Variants in EIF5 observed in about 807,000 individuals in gnomAD.
The protein encoded by EIF5 is eukaryotic translation initiation factor 5.
A neutral mutation model predicts 48.3 loss-of-function variants in EIF5; 10 were observed. The ratio of observed to expected loss-of-function variants is 0.21; its 90% confidence interval spans 0.13 to 0.35. The LOEUF (loss-of-function observed/expected upper bound fraction) is 0.35, where lower values mean the gene tolerates loss of function less well. Ranked by LOEUF, EIF5 falls within the 10% of genes least tolerant of loss-of-function variation. The pLI is 1.00. For missense variants in EIF5, 397 were observed against 533.2 expected (o/e 0.74, Z 2.51); for synonymous variants, 237 against 173.1 (o/e 1.37, Z -2.90).
In EIF5 at chr14:103,342,140, TC is replaced by T. The variant is rs1284887109; in HGVS notation, c.*1089del. 3.9e-5 allele frequency: 6 copies of T among 152,608 alleles called. No individual in the cohort carries two copies. The highest frequency in any genetic ancestry group is 6.5e-5 in the Admixed American group (1 of 15,276). 9.5% of individuals were successfully genotyped at this position (152,608 alleles called of 1,614,324 possible). On this transcript the variant is annotated 3_prime_UTR_variant, in exon 12 of 12. Coordinates refer to ENST00000216554, the MANE Select transcript of EIF5 (RefSeq NM_001969.5). ...TTCAAACTTGATTTTCTTTCCTTTTTCTTTTTTTTTTCTTCCAGAATGTCTT... is the reference window on the plus strand; with the variant it reads ...TTCAAACTTGATTTTCTTTCCTTTTTTTTTTTTTTTCTTCCAGAATGTCTT...
chr14:103,337,454 T>C, intron 6 of EIF5: 1 of 506,838 alleles, frequency 2.0e-6, no homozygotes, highest in South Asian at 2.7e-5. Flanking sequence ...ACACAAAAAC[T>C]AGCTTAGCAT....
In EIF5 at chr14:103,342,140, T is replaced by C. The variant is rs1566724188; in HGVS notation, c.*1088T>C. The C allele has an allele frequency of 6.6e-6, 1 of 152,608 alleles. No homozygotes were observed. The highest frequency in any genetic ancestry group is 1.5e-5 in the Non-Finnish European group (1 of 68,036). 9.5% of individuals were successfully genotyped at this position (152,608 alleles called of 1,614,324 possible). A position where few individuals can be genotyped will look rare whatever the true frequency, so the allele number is the denominator to read the frequency against. ...TTCAAACTTGATTTTCTTTCCTTTT[T>C]CTTTTTTTTTTCTTCCAGAATGTCT... On this transcript the variant is annotated 3_prime_UTR_variant, in exon 12 of 12. Coordinates refer to ENST00000216554, the MANE Select transcript of EIF5 (RefSeq NM_001969.5).
chr14:103,339,269 C>T lies in EIF5; in HGVS notation c.842C>T (p.Thr281Ile), dbSNP rs1366171842. 14 of 1,611,062 alleles carry T rather than the reference C, an allele frequency of 8.7e-6. No individual in the cohort carries two copies. The highest frequency in any genetic ancestry group is 1.2e-5 in the Non-Finnish European group (14 of 1,179,316). The part of the protein sequence containing the change: ...DVKAMGPLVL[T>I]EVLFNEKIRE... ...AAAGCCATGGGCCCTCTTGTTCTAA[C>T]TGAAGTTCTTTTTAATGAGAAGATT... Residue 281 changes from threonine (T) to isoleucine (I), a missense_variant, in exon 9 of 12, where the codon ACT becomes ATT. Physicochemically the swap from Thr to Ile is moderately conservative, Grantham distance 89 (BLOSUM62 -1). Around this residue, in one of 4 missense-constraint regions of EIF5, gnomAD observed 160 missense variants for 184.8 expected, o/e 0.87. Coordinates refer to ENST00000216554, the MANE Select transcript of EIF5 (RefSeq NM_001969.5).
At chr14:103,335,496 G>T in intron 2 of EIF5, 157 bp from the exon 3 acceptor site, 1 of 291,946 alleles carries the variant, frequency 3.4e-6, no homozygotes, top group Non-Finnish European at 6.6e-6. Context: ...AGATTGTACT[G>T]TGTTACATGA....
At chr14:103,336,984 ATT>A (rs778865501) in intron 5 of EIF5, 130 bp from the exon 6 acceptor site, 74 of 1,383,572 alleles carry the variant, frequency 5.3e-5, no homozygotes, top group Non-Finnish European at 7.1e-5. Context: ...AGATATTTCC[ATT>A]CTTTTTTTTA....
chr14:103,338,150 C>T (rs1032741832), intron 6 of EIF5, 177 bp from the exon 7 acceptor site: 26 of 858,082 alleles, frequency 3.0e-5, no homozygotes, highest in Non-Finnish European at 4.2e-5. Flanking sequence ...AACATTCTTA[C>T]GTATGAAATA....
intron 11 of EIF5, 137 bp downstream of exon 11, chr14:103,340,698 C>T: frequency 8.4e-7 from 1 of 1,183,738 alleles, no homozygotes; most frequent in Non-Finnish European, 1.2e-6. Context: ...AAAATACAGC[C>T]TCTCAATAAT....
chr14:103,337,543 ACTGAG>A, intron 6 of EIF5: 1 of 379,892 alleles, frequency 2.6e-6, no homozygotes, highest in Non-Finnish European at 4.8e-6. Flanking sequence ...CAGAGGTTGC[ACTGAG>A]CTGAGATCGT....
At chr14:103,336,220 A>T (rs2089283867) in intron 4 of EIF5, 103 bp downstream of exon 4, 1 of 1,178,168 alleles carries the variant, frequency 8.5e-7, no homozygotes, top group Admixed American at 2.5e-5. Context: ...TAATTACCTT[A>T]CAAGTTAAGT....
chr14:103,336,164 C>T (rs1209465899), intron 4 of EIF5, 47 bp downstream of exon 4: 9 of 1,563,600 alleles, frequency 5.8e-6, no homozygotes, highest in Non-Finnish European at 7.9e-6. Flanking sequence ...TGGATAGAGT[C>T]TTCAAAGTCT....
rs1242619818 is a variant in EIF5, at chr14:103,340,409, T to C, written c.1072-18T>C. ...GTTAAAATTCCTCAACTAAGAGACT[T>C]GTACTCACATTTTTTAGGCCTCTAA... On this transcript the variant is annotated intron_variant, in intron 10 of 11. Coordinates refer to ENST00000216554, the MANE Select transcript of EIF5 (RefSeq NM_001969.5). 2.5e-6 allele frequency: 4 copies of C among 1,595,172 alleles called. No homozygotes were observed. Among genetic ancestry groups the C allele is most frequent in the Non-Finnish European group, 3.4e-6 (4 of 1,164,388 alleles).
chr14:103,337,237 C>T lies in EIF5; in HGVS notation c.439+10C>T. On this transcript the variant is annotated intron_variant, in intron 6 of 11. Transcript: ENST00000216554. ...CTCAAAAACCCACCTGGTGAGTCTT[C>T]CATGATGAACTCCTAAGATCCTAAG... 6.3e-7 allele frequency: 1 copy of T among 1,589,364 alleles called. No individual in the cohort carries two copies. The highest frequency in any genetic ancestry group is 1.1e-5 in the South Asian group (1 of 88,224).
In EIF5 at chr14:103,338,315, T is replaced by C; in HGVS notation, c.440-12T>C. On this transcript the variant is annotated splice_polypyrimidine_tract_variant and intron_variant, in intron 6 of 11. Coordinates refer to ENST00000216554, the MANE Select transcript of EIF5 (RefSeq NM_001969.5). ...TATGGGGTTAAATTTTTATTTCCCTTTTTTTCTGTAGAGAATAGTGACAGT... is the reference window on the plus strand; with the variant it reads ...TATGGGGTTAAATTTTTATTTCCCTCTTTTTCTGTAGAGAATAGTGACAGT... The C allele has an allele frequency of 6.2e-7, 1 of 1,609,448 alleles. No individual in the cohort carries two copies. The highest frequency in any genetic ancestry group is 8.5e-7 in the Non-Finnish European group (1 of 1,178,488).
intron 6 of EIF5, chr14:103,337,488 G>A (rs552017406): frequency 4.7e-5 from 21 of 451,400 alleles, no homozygotes; most frequent in African/African-American, 4.2e-4. Flanking sequence ...TGTAATCCCA[G>A]CTACTCCGGT....
chr14:103,337,346 T>C (rs2089299083), intron 6 of EIF5, 119 bp downstream of exon 6: 1 of 837,438 alleles, frequency 1.2e-6, no homozygotes, highest in Non-Finnish European at 1.8e-6. Context: ...GGCTCATGCT[T>C]GTATTCCCCG....
intron 4 of EIF5, chr14:103,336,415 T>C (rs1249663644): frequency 1.8e-6 from 1 of 554,024 alleles, no homozygotes; most frequent in Non-Finnish European, 3.2e-6. Flanking sequence ...ATCCTGAGTC[T>C]ACTACTAATA....
chr14:103,337,361 T>G (rs1011959423), intron 6 of EIF5, 134 bp downstream of exon 6: 4 of 734,802 alleles, frequency 5.4e-6, no homozygotes, highest in Non-Finnish European at 8.7e-6. Context: ...TCCCCGCATT[T>G]TGGGAGGCCA....
chr14:103,336,909 A>T, intron 5 of EIF5, 60 bp downstream of exon 5: 1 of 1,536,906 alleles, frequency 6.5e-7, no homozygotes, highest in Non-Finnish European at 8.8e-7. Context: ...TGATACCGCT[A>T]AGTCACCTTC....
rs1221932703 is a variant in EIF5, at chr14:103,340,449, A to G, written c.1094A>G (p.Lys365Arg). The change falls in exon 11 of 12, where the codon AAA (lysine) becomes AGA (arginine). Residue 365 changes from lysine to arginine, a missense_variant. Lys to Arg is a conservative substitution (Grantham distance 26). This residue lies in a region of EIF5 where 160 missense variants were observed against 184.8 expected (regional missense o/e 0.87). Transcript: ENST00000216554. ...SEKASKKYVSKELAKEIRVKA... is the reference protein window; with the variant it reads ...SEKASKKYVSRELAKEIRVKA... ...TAGGCCTCTAAGAAATATGTCTCCAAAGAACTTGCCAAAGAGATTCGTGTC... is the reference window on the plus strand; with the variant it reads ...TAGGCCTCTAAGAAATATGTCTCCAGAGAACTTGCCAAAGAGATTCGTGTC... The G allele has an allele frequency of 4.4e-6, 7 of 1,605,580 alleles. No individual in the cohort carries two copies. Among genetic ancestry groups the G allele is most frequent in the East Asian group, 4.5e-5 (2 of 44,650 alleles).
Sources: gnomAD v4.1 joint callset for allele counts on GRCh38, gnomAD v4.1.1 for gene constraint, gnomAD v4.1.1 regional missense constraint, MANE v1.5 for transcripts, NCBI Gene and HGNC (gene_info 2026-07-23, HGNC 2026-07-21) for gene names.